The following PARVB variants were observed in gnomAD, a reference collection of about 807,000 sequenced individuals.
The protein encoded by PARVB is beta-parvin.
Under a neutral mutation model 47.0 loss-of-function variants are expected in PARVB, and 46 were observed. That is an observed-to-expected ratio of 0.98 (90% CI 0.77 to 1.25). The LOEUF (loss-of-function observed/expected upper bound fraction) is 1.25, where lower values mean the gene tolerates loss of function less well. Among genes scored for constraint, PARVB ranks in the 50% most tolerant of loss-of-function variants. The probability of loss-of-function intolerance (pLI) is 0.00; values close to 1 mark genes in which losing one functional copy is unlikely to be tolerated. For synonymous variants in PARVB, 196 were observed against 196.3 expected, an observed-to-expected ratio of 1.00 and a Z score of 0.01; for missense variants, 473 against 471.6, an observed-to-expected ratio of 1.00 and a Z score of -0.03.
rs140670905 is a variant in PARVB at position 44,126,176 on chromosome 22, C to T, written c.377-5311C>T. ...TGATGTTTAGCACCGTGGGACTGCA[C>T]GGCTTCACCCAAAGAGGGTGTTCCA... On this transcript the variant is annotated intron_variant, in intron 4 of 12. Transcript: ENST00000338758. Among the ~76,000 whole-genome samples, 389 of 152,176 alleles carry T rather than the reference C, an allele frequency of 2.6e-3. 3 individuals are homozygous for T. Among genetic ancestry groups the T allele is most frequent in the African/African-American group, 7.3e-3 (301 of 41,508 alleles).
At chr22:44,023,543 AAAAT>A (rs1319249008), upstream of PARVB, among the ~76,000 whole-genome samples, 11 of 23,700 alleles carry the variant, frequency 4.6e-4, no homozygotes, top group South Asian at 2.6e-3. Context: ...AAAACAAAAT[AAAAT>A]AAAATAAAAT....
At chr22:44,098,564 G>C (rs1413885869) in intron 2 of PARVB, among the ~76,000 whole-genome samples, 1 of 152,142 alleles carries the variant, frequency 6.6e-6, no homozygotes, top group African/African-American at 2.4e-5. Flanking sequence ...AGGGGCCTTG[G>C]AGGCCACATG....
chr22:44,008,978 G>T (rs2050495899), intron 2 of PARVB, among the ~76,000 whole-genome samples: 1 of 152,098 alleles, frequency 6.6e-6, no homozygotes, highest in African/African-American at 2.4e-5. Flanking sequence ...GACAGAACGA[G>T]ACTCCATCTT....
chr22:44,099,162 G>C (rs1305665798), intron 2 of PARVB, among the ~76,000 whole-genome samples: 1 of 152,190 alleles, frequency 6.6e-6, no homozygotes, highest in Non-Finnish European at 1.5e-5. Flanking sequence ...GTGTGGTATA[G>C]AGCCTCCCGG....
intron 2 of PARVB, among the ~76,000 whole-genome samples, chr22:44,006,088 G>A (rs892883037): frequency 1.2e-4 from 18 of 152,184 alleles, no homozygotes; most frequent in Admixed American, 7.9e-4. Context: ...GACCACAGGC[G>A]CATGCCACCA....
At chr22:44,044,291 C>T (rs577219576) in intron 1 of PARVB, among the ~76,000 whole-genome samples, 7 of 147,794 alleles carry the variant, frequency 4.7e-5, no homozygotes, top group Admixed American at 2.0e-4. Context: ...CCTGGGTTCA[C>T]GCCATTCTTC....
At chr22:44,129,485 C>T (rs577698993) in intron 4 of PARVB, among the ~76,000 whole-genome samples, 14 of 152,314 alleles carry the variant, frequency 9.2e-5, no homozygotes, top group South Asian at 8.3e-4. Context: ...GCAGGTGCAA[C>T]GGGGGCGCGT....
chr22:44,162,893 G>A (rs1306694150), intron 11 of PARVB: 1 of 152,236 alleles, frequency 6.6e-6, no homozygotes, highest in East Asian at 1.9e-4. Context: ...TTTAATTTCA[G>A]GGGAAGTCAC....
At chr22:44,017,220 A>G (rs1231522014) in intron 2 of PARVB, among the ~76,000 whole-genome samples, 1 of 152,198 alleles carries the variant, frequency 6.6e-6, no homozygotes, top group Non-Finnish European at 1.5e-5. Context: ...CTAACCATAA[A>G]TTAGTTTTTC....
intron 2 of PARVB, among the ~76,000 whole-genome samples, chr22:44,095,543 A>G (rs910320320): frequency 6.6e-5 from 10 of 151,976 alleles, no homozygotes; most frequent in Non-Finnish European, 1.5e-4. Context: ...TGCAAAACAC[A>G]ATTAATATGC....
intron 4 of PARVB, among the ~76,000 whole-genome samples, chr22:44,124,691 C>G (rs151003887): frequency 6.1e-5 from 9 of 146,356 alleles, no homozygotes; most frequent in Admixed American, 5.4e-4. Context: ...TGGAGGGTCA[C>G]TCCCACAGAC....
chr22:44,059,180 G>A (rs993600591), intron 1 of PARVB, among the ~76,000 whole-genome samples: 2 of 151,868 alleles, frequency 1.3e-5, no homozygotes, highest in African/African-American at 4.8e-5. Flanking sequence ...TGAATAGCGG[G>A]CATTACAGAC....
At chr22:44,050,687 A>G (rs930014118) in intron 1 of PARVB, among the ~76,000 whole-genome samples, 1 of 152,136 alleles carries the variant, frequency 6.6e-6, no homozygotes, top group Non-Finnish European at 1.5e-5. Context: ...TGGGGTAGCA[A>G]TATCAGTTAG....
chr22:44,158,128 C>A, intron 11 of PARVB, 45 bp downstream of exon 11: 1 of 1,284,328 alleles, frequency 7.8e-7, no homozygotes, highest in South Asian at 1.2e-5. Context: ...AAGAAATGCT[C>A]ATTGAAATGC....
At chr22:44,138,455 C>A (rs1327310220) in intron 7 of PARVB, among the ~76,000 whole-genome samples, 1 of 152,144 alleles carries the variant, frequency 6.6e-6, no homozygotes, top group Non-Finnish European at 1.5e-5. Context: ...GGCTGGGTCA[C>A]CTCTCCAGGA....
At chr22:44,150,196 C>CAA (rs905577660) in intron 9 of PARVB, 25 of 137,250 alleles carry the variant, frequency 1.8e-4, no homozygotes, top group African/African-American at 6.5e-4. Context: ...CAAAACAAAA[C>CAA]AAAGAAATCA....
At chr22:44,083,926 A>G (rs2147012660) in intron 1 of PARVB, among the ~76,000 whole-genome samples, 1 of 152,316 alleles carries the variant, frequency 6.6e-6, no homozygotes, top group African/African-American at 2.4e-5. Context: ...ATGGCTTAAA[A>G]GCAAAACAGA....
intron 2 of PARVB, among the ~76,000 whole-genome samples, chr22:44,006,900 T>TC (rs1283851771): frequency 6.6e-6 from 1 of 152,112 alleles, no homozygotes; most frequent in African/African-American, 2.4e-5. Context: ...GTGCAGTACC[T>TC]CCCCCTGTCA....
intron 10 of PARVB, among the ~76,000 whole-genome samples, chr22:44,157,736 G>A (rs369829327): frequency 1.4e-4 from 22 of 152,054 alleles, no homozygotes; most frequent in African/African-American, 3.1e-4. Context: ...AAAATTAGCC[G>A]GGCATGGTGG....
Sources: gnomAD v4.1 joint callset for allele counts (sites outside exome capture counted in the v4.1 genomes callset) on GRCh38, gnomAD v4.1.1 for gene constraint, MANE v1.5 for transcripts, NCBI Gene and HGNC (gene_info 2026-07-23, HGNC 2026-07-21) for gene names.